The following AFF3 variants were observed in gnomAD, a reference collection of about 807,000 sequenced individuals.
AFF3 encodes the protein ALF transcription elongation factor 3.
In AFF3, 32 loss-of-function variants were observed where a neutral mutation model predicts 129.7. The ratio of observed to expected loss-of-function variants is 0.25; its 90% CI spans 0.19 to 0.33. The LOEUF (loss-of-function observed/expected upper bound fraction) is 0.33. Among genes scored for constraint, AFF3 ranks in the 10% least tolerant of loss-of-function variants. The probability of loss-of-function intolerance (pLI) is 1.00; values close to 1 mark genes in which losing one functional copy is unlikely to be tolerated. For missense variants in AFF3, 1,373 were observed against 1,592.0 expected (o/e 0.86, Z 2.34); for synonymous variants, 644 against 635.4 (o/e 1.01, Z -0.20).
intron 2 of AFF3, among the ~76,000 whole-genome samples, chr2:100,121,945 C>G (rs1252057725): frequency 6.6e-6 from 1 of 151,978 alleles, no homozygotes; most frequent in Non-Finnish European, 1.5e-5. Context: ...GCCTGTAGTC[C>G]CAGCTACTCG....
intron 8 of AFF3, among the ~76,000 whole-genome samples, chr2:99,773,799 G>A (rs551864373): frequency 3.3e-5 from 5 of 152,206 alleles, no homozygotes; most frequent in Non-Finnish European, 1.5e-5. Flanking sequence ...ATCTTTGTTT[G>A]CAGATGACAT....
intron 2 of AFF3, chr2:100,106,591 C>T: frequency 2.0e-6 from 2 of 989,504 alleles, no homozygotes; most frequent in Non-Finnish European, 2.4e-6. Flanking sequence ...GCAGGAACAG[C>T]CCCTGTCTGG....
intron 11 of AFF3, among the ~76,000 whole-genome samples, chr2:99,685,803 C>T (rs949143746): frequency 6.6e-6 from 1 of 152,106 alleles, no homozygotes; most frequent in African/African-American, 2.4e-5. Flanking sequence ...AAATAACGAT[C>T]TATTTAGTTA....
chr2:99,869,837 G>A (rs1025816672), intron 7 of AFF3, among the ~76,000 whole-genome samples: 1 of 152,172 alleles, frequency 6.6e-6, no homozygotes, highest in African/African-American at 2.4e-5. Context: ...TCAAAATCCT[G>A]CTCTTCTCTG....
intron 4 of AFF3, among the ~76,000 whole-genome samples, chr2:100,099,721 C>T (rs1690574077): frequency 6.6e-6 from 1 of 152,182 alleles, no homozygotes; most frequent in Admixed American, 6.5e-5. Flanking sequence ...TCCCAAAAAA[C>T]ACACTGTCCT....
chr2:99,878,241 A>T (rs764788329), intron 7 of AFF3, among the ~76,000 whole-genome samples: 6 of 152,184 alleles, frequency 3.9e-5, no homozygotes, highest in Non-Finnish European at 8.8e-5. Flanking sequence ...CAGGCAGGTC[A>T]ATTTGACCTT....
rs566585020 is a variant in AFF3 at position 100,053,892 on chromosome 2, C to T, written c.54-44960G>A. 2.6e-5 allele frequency among the ~76,000 whole-genome samples: 4 copies of T among 152,308 alleles called. No individual in the cohort carries two copies. In the South Asian group the frequency reaches 8.3e-4, roughly 32 times the overall value. ...AAAGGAAGAGCTCACAATCCAAGTACATAAGACAGCGGACATCACTTGGGT... is the reference window on the plus strand; with the variant it reads ...AAAGGAAGAGCTCACAATCCAAGTATATAAGACAGCGGACATCACTTGGGT... On this transcript the variant is annotated intron_variant, in intron 4 of 24. Coordinates refer to ENST00000672756, the MANE Select transcript of AFF3 (RefSeq NM_001386135.1).
At chr2:99,810,265 T>C (rs1686684949) in intron 8 of AFF3, among the ~76,000 whole-genome samples, 1 of 152,192 alleles carries the variant, frequency 6.6e-6, no homozygotes, top group African/African-American at 2.4e-5. Context: ...AAAGACAACT[T>C]GATGTCAGCT....
chr2:99,760,775 G>A lies in AFF3; in HGVS notation c.922-8474C>T, dbSNP rs1187192216. 3.9e-5 allele frequency among the ~76,000 whole-genome samples: 6 copies of A among 152,072 alleles called. No individual in the cohort carries two copies. In the East Asian group the frequency reaches 9.7e-4, roughly 25 times the overall value. On this transcript the variant is annotated intron_variant, in intron 8 of 24. Coordinates refer to ENST00000672756, the MANE Select transcript of AFF3 (RefSeq NM_001386135.1). Reference sequence around the variant, plus strand: ...CTCCAAAGTCTAGCTGGCGACCTTCGGATCTTATAAACTCCCCTGCCCTTT... The same window carrying A: ...CTCCAAAGTCTAGCTGGCGACCTTCAGATCTTATAAACTCCCCTGCCCTTT...
intron 7 of AFF3, among the ~76,000 whole-genome samples, chr2:99,885,845 G>A (rs1400270398): frequency 2.6e-5 from 4 of 152,114 alleles, no homozygotes; most frequent in Non-Finnish European, 5.9e-5. Flanking sequence ...CAGATCATAC[G>A]CACAGGATTG....
At chr2:100,037,463 AAT>A (rs1264354713) in intron 4 of AFF3, among the ~76,000 whole-genome samples, 1 of 113,154 alleles carries the variant, frequency 8.8e-6, no homozygotes, top group Non-Finnish European at 1.7e-5. Flanking sequence ...TTTATATATA[AAT>A]ATATATTTAT....
At chr2:99,737,799 A>G (rs146137726) in intron 10 of AFF3, among the ~76,000 whole-genome samples, 49 of 151,472 alleles carry the variant, frequency 3.2e-4, no homozygotes, top group Non-Finnish European at 4.1e-4. Flanking sequence ...AGACTTCCCC[A>G]CTTTATCTCC....
chr2:100,019,325 T>C (rs1036326079), intron 4 of AFF3, among the ~76,000 whole-genome samples: 1 of 152,212 alleles, frequency 6.6e-6, no homozygotes, highest in Non-Finnish European at 1.5e-5. Flanking sequence ...CTGCTATCCA[T>C]TGAACTGAAT....
intron 4 of AFF3, among the ~76,000 whole-genome samples, chr2:100,064,619 T>G (rs925671842): frequency 2.0e-5 from 3 of 152,234 alleles, no homozygotes; most frequent in Non-Finnish European, 4.4e-5. Context: ...CTGTTACCTA[T>G]GCATTGCAAG....
intron 10 of AFF3, among the ~76,000 whole-genome samples, chr2:99,733,254 C>A (rs1679979861): frequency 6.6e-6 from 1 of 151,680 alleles, no homozygotes; most frequent in Non-Finnish European, 1.5e-5. Context: ...TGGCGGGCGC[C>A]TTGTAGTCCC....
chr2:99,849,476 C>T (rs1346410198), intron 7 of AFF3, among the ~76,000 whole-genome samples: 6 of 151,944 alleles, frequency 3.9e-5, no homozygotes, highest in Non-Finnish European at 8.8e-5. Flanking sequence ...TTACATATGT[C>T]CCTGCGGTGG....
At chr2:99,798,460 T>A (rs533552938) in intron 8 of AFF3, among the ~76,000 whole-genome samples, 7 of 151,926 alleles carry the variant, frequency 4.6e-5, no homozygotes, top group African/African-American at 1.7e-4. Flanking sequence ...TCCAATCAGA[T>A]AAATAATAAA....
At chr2:99,838,993 T>C (rs1249786340) in intron 7 of AFF3, among the ~76,000 whole-genome samples, 1 of 147,194 alleles carries the variant, frequency 6.8e-6, no homozygotes, top group Non-Finnish European at 1.5e-5. Context: ...GTCACACACA[T>C]GATTGAGACC....
chr2:99,660,130 A>G (rs750654996), intron 12 of AFF3, among the ~76,000 whole-genome samples: 1 of 152,188 alleles, frequency 6.6e-6, no homozygotes, highest in African/African-American at 2.4e-5. Flanking sequence ...AAAAGTCCTT[A>G]TGCTATCGCA....
Sources: allele counts gnomAD v4.1 joint callset (sites outside exome capture counted in the v4.1 genomes callset), GRCh38; gene constraint gnomAD v4.1.1; transcripts MANE v1.5; gene names NCBI Gene and HGNC (gene_info 2026-07-23, HGNC 2026-07-21).